Variants in SEMA5A observed in about 807,000 individuals in gnomAD.
SEMA5A encodes semaphorin-5A.
SEMA5A carries 55 observed loss-of-function variants against 135.5 expected under a neutral mutation model. That is an observed-to-expected ratio of 0.41 (90% CI 0.33 to 0.51). SEMA5A has a LOEUF of 0.51. Among genes scored for constraint, SEMA5A ranks in the 20% least tolerant of loss-of-function variants. The pLI, the probability that SEMA5A is intolerant of heterozygous loss-of-function variation, is 0.37. For synonymous variants in SEMA5A, 580 were observed against 546.5 expected, an observed-to-expected ratio of 1.06 and a Z score of -0.85; for missense variants, 1,290 against 1,419.9, an observed-to-expected ratio of 0.91 and a Z score of 1.47.
intron 21 of SEMA5A, among the ~76,000 whole-genome samples, chr5:9,047,313 G>A (rs912916292): frequency 2.0e-5 from 3 of 152,178 alleles, no homozygotes; most frequent in Non-Finnish European, 4.4e-5. Flanking sequence ...ATTCCAGCAG[G>A]TGCCTGGGAA....
At position 9,226,971 on chromosome 5, in the gene SEMA5A, AG is replaced by A; in HGVS notation, c.334-5del. The A allele has an allele frequency of 6.8e-7, 1 of 1,470,630 alleles. No homozygotes were observed. The highest frequency in any genetic ancestry group is 9.1e-7 in the Non-Finnish European group (1 of 1,102,760). The allele number at this position is 1,470,630 out of a possible 1,614,324, so 91.1% of individuals were successfully genotyped here. A position where few individuals can be genotyped will look rare whatever the true frequency, so the allele number is the denominator to read the frequency against. ...GGATGTAGTTCTGACATTCCTCCTG[AG>A]GGAAAATAAATAAATTAATTAAAAA... On this transcript the variant is annotated splice_region_variant and splice_polypyrimidine_tract_variant and intron_variant, in intron 6 of 22. Transcript: ENST00000382496.
At chr5:9,454,067 T>C (rs1321734418) in intron 1 of SEMA5A, among the ~76,000 whole-genome samples, 1 of 152,212 alleles carries the variant, frequency 6.6e-6, no homozygotes, top group Non-Finnish European at 1.5e-5. Flanking sequence ...GGTGCCTGAC[T>C]GTCTAGCACT....
intron 2 of SEMA5A, among the ~76,000 whole-genome samples, chr5:9,428,169 C>T (rs28455021): frequency 0.047 from 2,394 of 51,466 alleles, 23 homozygotes; most frequent in African/African-American, 0.12. Flanking sequence ...TCTATCTATC[C>T]ATCCATCCAT....
At chr5:9,409,346 C>T (rs918617085) in intron 2 of SEMA5A, among the ~76,000 whole-genome samples, 3 of 152,198 alleles carry the variant, frequency 2.0e-5, no homozygotes, top group Admixed American at 6.5e-5. Flanking sequence ...TACCTCTCAT[C>T]TAAGGAGTCC....
At chr5:9,411,827 C>A (rs1297220085) in intron 2 of SEMA5A, among the ~76,000 whole-genome samples, 1 of 3,722 alleles carries the variant, frequency 2.7e-4, no homozygotes, top group Admixed American at 6.0e-3. Context: ...CCTGTAGTCC[C>A]AGCTACTTGG....
chr5:9,341,193 CACACACACACAT>C lies in SEMA5A; in HGVS notation c.125-3393_125-3382del, dbSNP rs1301051362. On this transcript the variant is annotated intron_variant, in intron 3 of 22. Coordinates refer to ENST00000382496, the MANE Select transcript of SEMA5A (RefSeq NM_003966.3). ...AAAAAAAATCACACACATACAAACA[CACACACACACAT>C]ACACACACACACACACACACATACA... Among the ~76,000 whole-genome samples the C allele has an allele frequency of 7.5e-4, 113 of 149,894 alleles. No homozygotes were observed. The Middle Eastern group carries it at 0.014, about 18-fold the overall frequency.
intron 2 of SEMA5A, among the ~76,000 whole-genome samples, chr5:9,406,815 A>G (rs550628544): frequency 1.3e-5 from 2 of 152,370 alleles, no homozygotes; most frequent in East Asian, 1.9e-4. Context: ...AATTAGCCCA[A>G]TGCAAGTAGG....
chr5:9,462,013 T>C (rs1759075194), intron 1 of SEMA5A, among the ~76,000 whole-genome samples: 2 of 152,210 alleles, frequency 1.3e-5, no homozygotes, highest in Non-Finnish European at 2.9e-5. Context: ...TCTTGATCAT[T>C]GGCCTACATC....
intron 1 of SEMA5A, among the ~76,000 whole-genome samples, chr5:9,516,082 T>C (rs1161039238): frequency 6.6e-6 from 1 of 152,220 alleles, no homozygotes; most frequent in African/African-American, 2.4e-5. Flanking sequence ...ACTGAACAAA[T>C]TTACTGAACA....
intron 18 of SEMA5A, among the ~76,000 whole-genome samples, chr5:9,058,710 C>T (rs913219602): frequency 2.6e-5 from 4 of 152,186 alleles, no homozygotes; most frequent in African/African-American, 4.8e-5. Context: ...AAGATTTGCT[C>T]AACAGGCTTC....
At chr5:9,305,927 C>T (rs375871305) in intron 5 of SEMA5A, among the ~76,000 whole-genome samples, 20 of 152,252 alleles carry the variant, frequency 1.3e-4, no homozygotes, top group African/African-American at 4.6e-4. Context: ...TGTGTTGAGA[C>T]ACAAAGTGAG....
At chr5:9,236,227 T>C (rs180919331) in intron 6 of SEMA5A, among the ~76,000 whole-genome samples, 5 of 152,164 alleles carry the variant, frequency 3.3e-5, no homozygotes, top group African/African-American at 4.8e-5. Flanking sequence ...CTGGGAGGCA[T>C]TGATATCCCC....
chr5:9,325,282 T>C (rs547042347), intron 4 of SEMA5A, among the ~76,000 whole-genome samples: 3 of 152,250 alleles, frequency 2.0e-5, no homozygotes, highest in Non-Finnish European at 4.4e-5. Context: ...AATTTGACAT[T>C]GCACATTCAC....
intron 12 of SEMA5A, among the ~76,000 whole-genome samples, chr5:9,154,077 A>G (rs1742803030): frequency 2.8e-5 from 2 of 72,212 alleles, no homozygotes; most frequent in Non-Finnish European, 6.3e-5. Flanking sequence ...ATATATATAT[A>G]TATATATATA....
intron 5 of SEMA5A, among the ~76,000 whole-genome samples, chr5:9,274,489 C>T (rs540217147): frequency 1.3e-5 from 2 of 152,274 alleles, no homozygotes; most frequent in Admixed American, 6.5e-5. Flanking sequence ...ACCTAATAGA[C>T]ATCTACAGAA....
chr5:9,305,757 T>C (rs1013864689), intron 5 of SEMA5A, among the ~76,000 whole-genome samples: 42 of 136,654 alleles, frequency 3.1e-4, no homozygotes, highest in African/African-American at 3.1e-4. Context: ...CACACACACA[T>C]ATATACACAT....
intron 2 of SEMA5A, among the ~76,000 whole-genome samples, chr5:9,425,577 G>A (rs1056060806): frequency 7.9e-5 from 12 of 152,176 alleles, no homozygotes; most frequent in African/African-American, 2.9e-4. Context: ...GACACCATTT[G>A]TTTATACAGA....
intron 2 of SEMA5A, among the ~76,000 whole-genome samples, chr5:9,395,342 G>T (rs573723471): frequency 6.6e-6 from 1 of 152,284 alleles, no homozygotes; most frequent in East Asian, 1.9e-4. Flanking sequence ...TCTCCAAACT[G>T]AACGTGAAAT....
At chr5:9,232,753 G>T (rs1018917271) in intron 6 of SEMA5A, among the ~76,000 whole-genome samples, 3 of 151,838 alleles carry the variant, frequency 2.0e-5, no homozygotes, top group Non-Finnish European at 4.4e-5. Context: ...AATAAAATTA[G>T]GTGTGCATAA....
Sources: gnomAD v4.1 joint callset for allele counts (sites outside exome capture counted in the v4.1 genomes callset) on GRCh38, gnomAD v4.1.1 for gene constraint, MANE v1.5 for transcripts, NCBI Gene and HGNC (gene_info 2026-07-23, HGNC 2026-07-21) for gene names.